Variants in CC2D2A observed in about 807,000 individuals in gnomAD.
The protein encoded by CC2D2A is coiled-coil and C2 domain containing 2A.
A neutral mutation model predicts 212.9 loss-of-function variants in CC2D2A; 155 were observed. That is an observed-to-expected ratio of 0.73 (90% CI 0.64 to 0.83). The LOEUF is 0.83. Among genes scored for constraint, CC2D2A ranks in the 40% least tolerant of loss-of-function variants. The pLI is 0.00. For synonymous variants in CC2D2A, 667 were observed against 686.5 expected, an observed-to-expected ratio of 0.97 and a Z score of 0.44; for missense variants, 1,856 against 1,956.2, an observed-to-expected ratio of 0.95 and a Z score of 0.97.
At chr4:15,599,066 G>T (rs1721455919) in intron 35 of CC2D2A, among the ~76,000 whole-genome samples, 1 of 152,078 alleles carries the variant, frequency 6.6e-6, no homozygotes, top group African/African-American at 2.4e-5. Context: ...AGAGGCTGAG[G>T]TGGGAGGTTC....
intron 4 of CC2D2A, among the ~76,000 whole-genome samples, chr4:15,499,880 A>G (rs7682982): frequency 0.046 from 7,001 of 152,060 alleles, 410 homozygotes; most frequent in East Asian, 0.34. Flanking sequence ...ATGCTTAGTG[A>G]TACTTAACAG....
chr4:15,515,081 C>T (rs573783765), intron 9 of CC2D2A, among the ~76,000 whole-genome samples: 24 of 152,164 alleles, frequency 1.6e-4, no homozygotes, highest in Non-Finnish European at 3.1e-4. Context: ...GAAGATATAC[C>T]AGAGTACTGT....
At chr4:15,497,252 A>G (rs1715672640) in intron 4 of CC2D2A, among the ~76,000 whole-genome samples, 2 of 152,160 alleles carry the variant, frequency 1.3e-5, no homozygotes, top group South Asian at 4.1e-4. Context: ...GCCCAGAAAT[A>G]CATTTTTCCT....
intron 3 of CC2D2A, chr4:15,479,357 G>T: frequency 6.7e-7 from 1 of 1,481,950 alleles, no homozygotes; most frequent in South Asian, 1.2e-5. Flanking sequence ...GTTGTCCTCT[G>T]AGAAGGGAGG....
At chr4:15,585,810 GC>G (rs759654973) in intron 30 of CC2D2A, among the ~76,000 whole-genome samples, 2 of 152,032 alleles carry the variant, frequency 1.3e-5, no homozygotes, top group Non-Finnish European at 2.9e-5. Context: ...CTCAACCAGG[GC>G]TCCTTAGAGA....
intron 33 of CC2D2A, among the ~76,000 whole-genome samples, chr4:15,595,097 G>A (rs1721263844): frequency 6.6e-6 from 1 of 152,140 alleles, no homozygotes; most frequent in African/African-American, 2.4e-5. Flanking sequence ...TTATGAGTGT[G>A]AGCCTGCCTG....
At chr4:15,508,165 C>G (rs1404301310) in intron 6 of CC2D2A, among the ~76,000 whole-genome samples, 1 of 152,168 alleles carries the variant, frequency 6.6e-6, no homozygotes, top group Non-Finnish European at 1.5e-5. Flanking sequence ...CCCTGGTGGA[C>G]AATTCTGAGA....
At chr4:15,587,141 A>G (rs1361685516) in intron 31 of CC2D2A, among the ~76,000 whole-genome samples, 1 of 152,194 alleles carries the variant, frequency 6.6e-6, no homozygotes, top group Non-Finnish European at 1.5e-5. Flanking sequence ...TTCACCTCAG[A>G]TCATCAGGCA....
intron 4 of CC2D2A, among the ~76,000 whole-genome samples, chr4:15,486,745 G>A (rs1715022743): frequency 6.6e-6 from 1 of 151,750 alleles, no homozygotes; most frequent in Non-Finnish European, 1.5e-5. Flanking sequence ...GCATTGTGAG[G>A]TTATTTAAAA....
At chr4:15,473,557 G>C (rs1276375842) in intron 1 of CC2D2A, among the ~76,000 whole-genome samples, 1 of 152,184 alleles carries the variant, frequency 6.6e-6, no homozygotes, top group South Asian at 2.1e-4. Context: ...GTTTTACTCT[G>C]TTGACAAAGG....
chr4:15,579,588 G>A (rs1306810474), intron 29 of CC2D2A, among the ~76,000 whole-genome samples: 1 of 151,956 alleles, frequency 6.6e-6, no homozygotes, highest in Non-Finnish European at 1.5e-5. Context: ...TTCTGGGGCC[G>A]CCCCCCAGCC....
intron 4 of CC2D2A, among the ~76,000 whole-genome samples, chr4:15,501,187 G>C (rs973251260): frequency 3.9e-5 from 6 of 152,106 alleles, no homozygotes; most frequent in Non-Finnish European, 7.4e-5. Flanking sequence ...CTGAAAATCT[G>C]TGTATCTAAA....
chr4:15,559,287 T>C lies in CC2D2A; in HGVS notation c.2922+30T>C, dbSNP rs568566905. On this transcript the variant is annotated intron_variant, in intron 22 of 36. Transcript: ENST00000424120. ...GAAAAATCATATAAAACTGTCTTCA[T>C]AGGGAGAAAAGAGCCAGCACCCTAA... 2.5e-5 allele frequency: 36 copies of C among 1,431,666 alleles called. No homozygotes were observed. In the Admixed American group the frequency reaches 5.0e-4, roughly 20 times the overall value. 88.7% of individuals were successfully genotyped at this position (1,431,666 alleles called of 1,614,324 possible). A position where few individuals can be genotyped will look rare whatever the true frequency, so the allele number is the denominator to read the frequency against.
intron 2 of CC2D2A, among the ~76,000 whole-genome samples, chr4:15,476,392 G>A (rs1351599250): frequency 6.6e-6 from 1 of 152,228 alleles, no homozygotes; most frequent in African/African-American, 2.4e-5. Context: ...CTTTCATTTA[G>A]TTTACTAAGA....
chr4:15,500,524 C>G (rs1246897444), intron 4 of CC2D2A, among the ~76,000 whole-genome samples: 1 of 152,156 alleles, frequency 6.6e-6, no homozygotes, highest in Non-Finnish European at 1.5e-5. Context: ...TCAACACATG[C>G]ATGCCAGACT....
At chr4:15,556,929 A>G (rs1233385822) in intron 20 of CC2D2A, among the ~76,000 whole-genome samples, 3 of 152,240 alleles carry the variant, frequency 2.0e-5, no homozygotes, top group Non-Finnish European at 4.4e-5. Flanking sequence ...TGACATTAAA[A>G]AGTCATATAT....
At chr4:15,532,830 A>G (rs1456764638) in intron 13 of CC2D2A, among the ~76,000 whole-genome samples, 1 of 152,242 alleles carries the variant, frequency 6.6e-6, no homozygotes. Context: ...AAGACTTTAC[A>G]TGTATTTGTT....
intron 4 of CC2D2A, among the ~76,000 whole-genome samples, chr4:15,484,725 A>C (rs760539018): frequency 3.3e-5 from 5 of 152,176 alleles, no homozygotes; most frequent in Non-Finnish European, 5.9e-5. Flanking sequence ...CACTTTCCCC[A>C]ATAGAGTTTC....
At position 15,538,005 on chromosome 4, in the gene CC2D2A, C is replaced by T. The variant is rs947493633; in HGVS notation, c.1871C>T (p.Pro624Leu). 2.5e-6 allele frequency: 4 copies of T among 1,609,572 alleles called. No homozygotes were observed. In the African/African-American group the frequency reaches 4.0e-5, roughly 16 times the overall value. Reference protein sequence around the residue: ...EDLVKPSPPEPTDRAVIEQEV... With the variant: ...EDLVKPSPPELTDRAVIEQEV... ...CTTGTGAAGCCCAGCCCTCCAGAGC[C>T]CACTGATCGGGCAGTGATAGAGCAG... The change falls in exon 16 of 37, where the codon CCC becomes CTC. Residue 624 changes from proline (P) to leucine (L), a missense_variant. By Grantham distance (98) the Pro-to-Leu change is moderately conservative (BLOSUM62 -3). Around this residue, in one of 5 missense-constraint regions of CC2D2A, gnomAD observed 1,512 missense variants for 1,579.3 expected, o/e 0.96. Coordinates refer to ENST00000424120, the MANE Select transcript of CC2D2A (RefSeq NM_001378615.1).
Sources: gnomAD v4.1 joint callset for allele counts (sites outside exome capture counted in the v4.1 genomes callset) on GRCh38, gnomAD v4.1.1 for gene constraint, gnomAD v4.1.1 regional missense constraint, MANE v1.5 for transcripts, NCBI Gene and HGNC (gene_info 2026-07-23, HGNC 2026-07-21) for gene names.